FGR: variants seen among roughly 807,000 people sequenced by gnomAD.
FGR encodes the protein tyrosine-protein kinase Fgr.
FGR carries 26 observed loss-of-function variants against 63.2 expected under a neutral mutation model. The observed-to-expected ratio is 0.41, with a 90% CI of 0.30 to 0.57. The LOEUF (loss-of-function observed/expected upper bound fraction) is 0.57, where lower values mean the gene tolerates loss of function less well. Ranked by LOEUF, FGR falls within the 20% of genes least tolerant of loss-of-function variation. FGR has a pLI of 0.27. For synonymous variants in FGR, 286 were observed against 277.7 expected (o/e 1.03, Z -0.30); for missense variants, 511 against 690.8 (o/e 0.74, Z 2.92).
At chr1:27,613,412 GAGAAT>G in intron 11 of FGR, 62 bp from the exon 12 acceptor site, 2 of 1,587,274 alleles carry the variant, frequency 1.3e-6, no homozygotes, top group Non-Finnish European at 1.7e-6. Context: ...GCTGGATTAA[GAGAAT>G]GGGGTCTGGG....
rs56363244 is a variant in FGR at position 27,613,694 on chromosome 1, CAAA to C, written c.1250-347_1250-345del. The stretch of plus-strand genomic sequence containing the variant: ...CCTGGGTGACAGTGAGACTCCATCT[CAAA>C]AAAAAAAAAAAAAAAAAAAAAGAGA... On this transcript the variant is annotated intron_variant, in intron 11 of 12. Coordinates refer to ENST00000374005, the MANE Select transcript of FGR (RefSeq NM_005248.3). Among the ~76,000 whole-genome samples the C allele has an allele frequency of 3.5e-3, 258 of 74,236 alleles. 1 individual carries two copies. The highest frequency in any genetic ancestry group is 0.014 in the African/African-American group (244 of 17,118). 48.7% of individuals were successfully genotyped at this position (74,236 alleles called of 152,430 possible). A position where few individuals can be genotyped will look rare whatever the true frequency, so the allele number is the denominator to read the frequency against.
At chr1:27,627,454 A>ACACACACG (rs1204879149) in intron 1 of FGR, among the ~76,000 whole-genome samples, 57 of 150,810 alleles carry the variant, frequency 3.8e-4, no homozygotes, top group African/African-American at 1.2e-3. Context: ...ATGAACACAC[A>ACACACACG]CACACACACA....
rs888952996 is a variant in FGR at position 27,615,700 on chromosome 1, T to A, written c.827A>T (p.Asp276Val). ...ERRLGTGCFG[D>V]VWLGTWNGST... ...CGGGAGCTCCGTACCCAGCCACACA[T>A]CCCCGAAGCAGCCGGTGCCCAGCCG... The change falls in exon 8 of 13, where the codon GAT becomes GTT. Residue 276 changes from aspartate to valine, a missense_variant. Physicochemically the swap from Asp to Val is radical, Grantham distance 152 (BLOSUM62 -3). Coordinates refer to ENST00000374005, the MANE Select transcript of FGR (RefSeq NM_005248.3). This position sits in a 1 kb window ranked among gnomAD's most constrained non-coding sequence, Gnocchi z 7.6. The A allele has an allele frequency of 1.9e-6, 3 of 1,602,270 alleles. No homozygotes were observed. Among genetic ancestry groups the A allele is most frequent in the South Asian group, 2.2e-5 (2 of 90,378 alleles).
rs1289604673 is a variant in FGR at position 27,616,615 on chromosome 1, G to A, written c.682+242C>T. ...CTCCATCAAGTTTCCACAAATTGAG[G>A]CCTTGAGGCAAGAAACTGGCCAATG... On this transcript the variant is annotated intron_variant, in intron 7 of 12. Coordinates refer to ENST00000374005, the MANE Select transcript of FGR (RefSeq NM_005248.3). The surrounding 1 kb of genome is among the most constrained non-coding windows in gnomAD (Gnocchi z 4.3). Among the ~76,000 whole-genome samples, 1 of 152,226 alleles carries A rather than the reference G, an allele frequency of 6.6e-6. No individual in the cohort carries two copies. The highest frequency in any genetic ancestry group is 2.4e-5 in the African/African-American group (1 of 41,444).
intron 5 of FGR, among the ~76,000 whole-genome samples, chr1:27,620,396 T>C (rs1024739078): frequency 6.6e-6 from 1 of 152,088 alleles, no homozygotes; most frequent in Non-Finnish European, 1.5e-5. Flanking sequence ...AGAGGACTGC[T>C]TGAGCTCAGA....
At chr1:27,627,762 C>T (rs2090044765) in intron 1 of FGR, among the ~76,000 whole-genome samples, 1 of 152,158 alleles carries the variant, frequency 6.6e-6, no homozygotes, top group Admixed American at 6.5e-5. Flanking sequence ...GCACCCAACA[C>T]CATGCCAGGC....
In FGR at chr1:27,615,004, C is replaced by T. The variant is rs2089777527; in HGVS notation, c.1019-78G>A. 4 of 1,192,114 alleles carry T rather than the reference C, an allele frequency of 3.4e-6. No individual in the cohort carries two copies. Among genetic ancestry groups the T allele is most frequent in the Non-Finnish European group, 4.9e-6 (4 of 823,170 alleles). 73.8% of individuals were successfully genotyped at this position (1,192,114 alleles called of 1,614,324 possible). A position where few individuals can be genotyped will look rare whatever the true frequency, so the allele number is the denominator to read the frequency against. ...CTCCTCCTCTCGCTTGACCCCGCCC[C>T]TCAGCCCCTCCCACCTGGACCCGCC... On this transcript the variant is annotated intron_variant, in intron 9 of 12. Coordinates refer to ENST00000374005, the MANE Select transcript of FGR (RefSeq NM_005248.3). This position sits in a 1 kb window ranked among gnomAD's most constrained non-coding sequence, Gnocchi z 7.6.
In FGR at chr1:27,614,452, G is replaced by A. The variant is rs924897313; in HGVS notation, c.1227C>T (p.Asp409=). 6 of 1,613,442 alleles carry A rather than the reference G, an allele frequency of 3.7e-6. No homozygotes were observed. The highest frequency in any genetic ancestry group is 1.1e-5 in the South Asian group (1 of 90,866). The part of the protein sequence containing the change: ...ADFGLARLIK[D]DEYNPCQGSK... ...CACCTTGGCAGGGGTTGTACTCATC[G>A]TCCTTGATGAGACGCGCCAAGCCAA... The change falls in exon 11 of 13, where the codon GAC becomes GAT. Residue 409 remains aspartate (D), a synonymous_variant. Coordinates refer to ENST00000374005, the MANE Select transcript of FGR (RefSeq NM_005248.3).
At chr1:27,629,992 A>G (rs745694504) in intron 1 of FGR, among the ~76,000 whole-genome samples, 5 of 152,232 alleles carry the variant, frequency 3.3e-5, no homozygotes, top group Non-Finnish European at 7.3e-5. Context: ...TATGCAGCCC[A>G]GGACAGCTTT....
At chr1:27,632,136 TC>T (rs2090114280) in intron 1 of FGR, among the ~76,000 whole-genome samples, 7 of 145,690 alleles carry the variant, frequency 4.8e-5, no homozygotes, top group Admixed American at 2.0e-4. Flanking sequence ...TTCTTCTTCT[TC>T]TTCTTTTTTT....
Position 27,612,248 on chromosome 1 carries a change from C to G in FGR, c.*666G>C, listed in dbSNP as rs770007636. The G allele has an allele frequency of 2.0e-5, 3 of 152,266 alleles. No individual in the cohort carries two copies. The highest frequency in any genetic ancestry group is 4.4e-5 in the Non-Finnish European group (3 of 68,114). The allele number at this position is 152,266 out of a possible 1,614,324, so 9.4% of individuals were successfully genotyped here. ...TGTAGCCATATCTGTCCGTTCACCCCCTATTGACCACCCCCGCTCCCAAAG... is the reference window on the plus strand; with the variant it reads ...TGTAGCCATATCTGTCCGTTCACCCGCTATTGACCACCCCCGCTCCCAAAG... On this transcript the variant is annotated 3_prime_UTR_variant, in exon 13 of 13. Coordinates refer to ENST00000374005, the MANE Select transcript of FGR (RefSeq NM_005248.3).
intron 4 of FGR, among the ~76,000 whole-genome samples, chr1:27,622,270 C>A (rs1334239283): frequency 1.6e-5 from 2 of 127,658 alleles, no homozygotes; most frequent in South Asian, 5.0e-4. Flanking sequence ...GCCCGGGAGA[C>A]AGAGCGAGAC....
At position 27,615,127 on chromosome 1, in the gene FGR, C is replaced by G. The variant is rs1170273027; in HGVS notation, c.1019-201G>C. Among the ~76,000 whole-genome samples the G allele has an allele frequency of 1.3e-5, 2 of 151,882 alleles. No homozygotes were observed. The highest frequency in any genetic ancestry group is 2.9e-5 in the Non-Finnish European group (2 of 67,974). ...CTGCCCACATCTCGTTTCTTCTGTTCCTTGGTGTTCCGGACACGACCCACC... is the reference window on the plus strand; with the variant it reads ...CTGCCCACATCTCGTTTCTTCTGTTGCTTGGTGTTCCGGACACGACCCACC... On this transcript the variant is annotated intron_variant, in intron 9 of 12. Transcript: ENST00000374005. The surrounding 1 kb of genome is among the most constrained non-coding windows in gnomAD (Gnocchi z 7.6).
chr1:27,623,549 C>T, intron 3 of FGR, 142 bp downstream of exon 3: 1 of 848,504 alleles, frequency 1.2e-6, no homozygotes, highest in Non-Finnish European at 1.9e-6. Context: ...GTACAGACTC[C>T]CTCAGCCCAT....
Position 27,614,671 on chromosome 1 carries a change from C to A in FGR, c.1096-88G>T. On this transcript the variant is annotated intron_variant, in intron 10 of 12. Coordinates refer to ENST00000374005, the MANE Select transcript of FGR (RefSeq NM_005248.3). ...GAGGGGTGAGGGACCATTTGAAAAACCCACTTTCCAGAGGGGGAGACTGAG... is the reference window on the plus strand; with the variant it reads ...GAGGGGTGAGGGACCATTTGAAAAAACCACTTTCCAGAGGGGGAGACTGAG... 3 of 1,503,994 alleles carry A rather than the reference C, an allele frequency of 2.0e-6. No homozygotes were observed. The South Asian group carries it at 3.7e-5, about 18-fold the overall frequency. The allele number at this position is 1,503,994 out of a possible 1,614,324, so 93.2% of individuals were successfully genotyped here.
intron 1 of FGR, among the ~76,000 whole-genome samples, chr1:27,633,827 A>G (rs1242095265): frequency 6.6e-6 from 1 of 152,156 alleles, no homozygotes; most frequent in Admixed American, 6.5e-5. Context: ...TGAGTCAGGG[A>G]TAGCCCTTAA....
At chr1:27,622,856 G>C (rs889135463) in intron 4 of FGR, among the ~76,000 whole-genome samples, 186 bp downstream of exon 4, 4 of 152,158 alleles carry the variant, frequency 2.6e-5, no homozygotes, top group Admixed American at 2.6e-4. Context: ...CTCCAGGCCG[G>C]GTGCAGTGGC....
chr1:27,626,972 GC>G (rs2090031149), intron 1 of FGR, among the ~76,000 whole-genome samples: 1 of 151,950 alleles, frequency 6.6e-6, no homozygotes, highest in Admixed American at 6.6e-5. Context: ...CTTGAGACCA[GC>G]CTGAGCAACA....
Position 27,617,197 on chromosome 1 carries a change from G to A in FGR, c.528C>T (p.Thr176=). 1 of 1,613,826 alleles carries A rather than the reference G, an allele frequency of 6.2e-7. No homozygotes were observed. The highest frequency in any genetic ancestry group is 1.1e-5 in the South Asian group (1 of 91,078). ...GAFLIRESET[T]KGAYSLSIRD... ...GGGGCGTGGCACCACCCCTACCTTTGGTGGTCTCGCTTTCCCGAATGAGAA... is the reference window on the plus strand; with the variant it reads ...GGGGCGTGGCACCACCCCTACCTTTAGTGGTCTCGCTTTCCCGAATGAGAA... Residue 176 remains threonine, a synonymous_variant, in exon 6 of 13, where the codon ACC becomes ACT. Transcript: ENST00000374005. This position sits in a 1 kb window ranked among gnomAD's most constrained non-coding sequence, Gnocchi z 4.5.
Sources: gnomAD v4.1 joint callset for allele counts (sites outside exome capture counted in the v4.1 genomes callset) on GRCh38, gnomAD v4.1.1 for gene constraint, Gnocchi (gnomAD v3.1) non-coding constraint, MANE v1.5 for transcripts, NCBI Gene and HGNC (gene_info 2026-07-23, HGNC 2026-07-21) for gene names.